The following MARCHF8 variants were observed in gnomAD, a reference collection of about 807,000 sequenced individuals.
MARCHF8 encodes E3 ubiquitin-protein ligase MARCHF8.
A neutral mutation model predicts 51.6 loss-of-function variants in MARCHF8; 40 were observed. That is an observed-to-expected ratio of 0.77 (90% confidence interval 0.60 to 1.01). MARCHF8 has a LOEUF of 1.01. Ranked by LOEUF, MARCHF8 falls within the 50% of genes least tolerant of loss-of-function variation. The pLI is 0.00. For synonymous variants in MARCHF8, 263 were observed against 280.3 expected (o/e 0.94, Z 0.62); for missense variants, 685 against 708.6 (o/e 0.97, Z 0.38).
chr10:45,508,332 G>C lies in MARCHF8; in HGVS notation c.103-18915C>G, dbSNP rs1479672099. Among the ~76,000 whole-genome samples, 19 of 114,294 alleles carry C rather than the reference G, an allele frequency of 1.7e-4. No homozygotes were observed. In the Admixed American group the frequency reaches 1.8e-3, roughly 11 times the overall value. 75.0% of individuals were successfully genotyped at this position (114,294 alleles called of 152,430 possible). A position where few individuals can be genotyped will look rare whatever the true frequency, so the allele number is the denominator to read the frequency against. On this transcript the variant is annotated intron_variant, in intron 2 of 7. Coordinates refer to ENST00000453424, the MANE Select transcript of MARCHF8 (RefSeq NM_001282866.2). ...GAGGACAAAAATTTATTCTTTCACAGTAAAAAAAAAAAAAAAAAAAAGTAC... is the reference window on the plus strand; with the variant it reads ...GAGGACAAAAATTTATTCTTTCACACTAAAAAAAAAAAAAAAAAAAAGTAC...
chr10:45,534,195 C>T (rs1055703891), intron 1 of MARCHF8, among the ~76,000 whole-genome samples: 4 of 146,118 alleles, frequency 2.7e-5, no homozygotes, highest in Non-Finnish European at 4.5e-5. Context: ...CAACCTCCCC[C>T]CCACCAAAAA....
intron 1 of MARCHF8, among the ~76,000 whole-genome samples, chr10:45,575,687 A>G (rs1424067485): frequency 2.0e-5 from 3 of 152,168 alleles, no homozygotes; most frequent in African/African-American, 7.2e-5. Context: ...TCTTATTAAT[A>G]TAAGACTACA....
chr10:45,526,178 G>A (rs1184723043), intron 2 of MARCHF8, among the ~76,000 whole-genome samples: 8 of 151,964 alleles, frequency 5.3e-5, no homozygotes, highest in Non-Finnish European at 1.2e-4. Context: ...CTCCAAAACG[G>A]CGAGTAGATA....
intron 2 of MARCHF8, among the ~76,000 whole-genome samples, chr10:45,516,073 A>G (rs1431006675): frequency 1.3e-5 from 2 of 152,114 alleles, no homozygotes; most frequent in Non-Finnish European, 2.9e-5. Flanking sequence ...ACCCCATCCC[A>G]TGAATGAGAG....
chr10:45,562,331 C>A (rs564822764), intron 1 of MARCHF8, among the ~76,000 whole-genome samples: 20 of 152,236 alleles, frequency 1.3e-4, no homozygotes, highest in African/African-American at 3.9e-4. Context: ...AAAAAGAAAT[C>A]CACCCCTAGA....
At chr10:45,482,769 C>T (rs1454491220) in intron 3 of MARCHF8, among the ~76,000 whole-genome samples, 2 of 151,870 alleles carry the variant, frequency 1.3e-5, no homozygotes. Context: ...AACAAACAAA[C>T]AACAACAACA....
intron 2 of MARCHF8, among the ~76,000 whole-genome samples, chr10:45,503,044 T>G (rs34208634): frequency 0.014 from 2,076 of 152,312 alleles, 23 homozygotes; most frequent in Middle Eastern, 0.017. Flanking sequence ...ATTTTCTATA[T>G]TTTAGCGAAG....
chr10:45,471,078 A>G (rs72796496), intron 3 of MARCHF8, among the ~76,000 whole-genome samples: 4,616 of 152,362 alleles, frequency 0.03, 102 homozygotes, highest in Non-Finnish European at 0.045. Context: ...CCATTAAAAA[A>G]GTAAGTATAT....
At chr10:45,591,568 C>T (rs1229359513) in intron 1 of MARCHF8, among the ~76,000 whole-genome samples, 1 of 152,130 alleles carries the variant, frequency 6.6e-6, no homozygotes, top group East Asian at 1.9e-4. Flanking sequence ...CACAGGAGGT[C>T]TCAATGCTAT....
At chr10:45,583,878 C>T (rs755675830) in intron 1 of MARCHF8, among the ~76,000 whole-genome samples, 7 of 151,326 alleles carry the variant, frequency 4.6e-5, no homozygotes, top group African/African-American at 1.7e-4. Flanking sequence ...TGATGGCACG[C>T]GCCTGCAATC....
intron 1 of MARCHF8, among the ~76,000 whole-genome samples, chr10:45,569,356 A>G (rs1333377453): frequency 6.6e-6 from 1 of 152,118 alleles, no homozygotes; most frequent in Non-Finnish European, 1.5e-5. Flanking sequence ...AATTGAAATG[A>G]TTATATGGTT....
At chr10:45,557,963 T>G (rs577682658) in intron 1 of MARCHF8, among the ~76,000 whole-genome samples, 3 of 152,188 alleles carry the variant, frequency 2.0e-5, no homozygotes, top group Non-Finnish European at 4.4e-5. Flanking sequence ...GCTATAAATT[T>G]GGTAATAATA....
intron 1 of MARCHF8, among the ~76,000 whole-genome samples, chr10:45,585,808 T>C (rs2044612567): frequency 6.6e-6 from 1 of 152,138 alleles, no homozygotes; most frequent in East Asian, 1.9e-4. Flanking sequence ...AAAAAACTTC[T>C]TTTCTTTGGC....
At chr10:45,542,547 T>C (rs970248224) in intron 1 of MARCHF8, among the ~76,000 whole-genome samples, 1 of 152,116 alleles carries the variant, frequency 6.6e-6, no homozygotes. Context: ...TTATAGTATA[T>C]GTAGCAGAGT....
chr10:45,532,696 T>A lies in MARCHF8; in HGVS notation c.102+414A>T, dbSNP rs144363881. Among the ~76,000 whole-genome samples the A allele has an allele frequency of 5.4e-4, 82 of 152,340 alleles. No homozygotes were observed. In the East Asian group the frequency reaches 7.9e-3, roughly 15 times the overall value. The stretch of plus-strand genomic sequence containing the variant: ...AACTGTGAGAAATAAATGCTTGTTA[T>A]TTAAACCACCCAGGCTATGGCATTT... On this transcript the variant is annotated intron_variant, in intron 2 of 7. Transcript: ENST00000453424.
chr10:45,569,064 C>CAAAAA (rs71023131), intron 1 of MARCHF8, among the ~76,000 whole-genome samples: 1 of 64,410 alleles, frequency 1.6e-5, no homozygotes, highest in African/African-American at 6.1e-5. Flanking sequence ...GACTCCATCT[C>CAAAAA]AAAAAAAAAA....
chr10:45,486,741 T>C (rs2042986167), intron 3 of MARCHF8, among the ~76,000 whole-genome samples: 1 of 151,538 alleles, frequency 6.6e-6, no homozygotes, highest in Non-Finnish European at 1.5e-5. Context: ...AGCTGCCCCA[T>C]GGTTCCATGC....
intron 1 of MARCHF8, among the ~76,000 whole-genome samples, chr10:45,568,502 C>T (rs191966684): frequency 1.3e-4 from 20 of 152,138 alleles, no homozygotes; most frequent in African/African-American, 3.1e-4. Flanking sequence ...GGGCAGATCA[C>T]GAGGTCAAGA....
At chr10:45,556,540 C>T (rs1294665394) in intron 1 of MARCHF8, among the ~76,000 whole-genome samples, 1 of 152,118 alleles carries the variant, frequency 6.6e-6, no homozygotes, top group African/African-American at 2.4e-5. Flanking sequence ...TTTAAATTCT[C>T]CATAATAAAA....
Sources: gnomAD v4.1 joint callset for allele counts (sites outside exome capture counted in the v4.1 genomes callset) on GRCh38, gnomAD v4.1.1 for gene constraint, MANE v1.5 for transcripts, NCBI Gene and HGNC (gene_info 2026-07-23, HGNC 2026-07-21) for gene names.